The following MAGI3 variants were observed in gnomAD, a reference collection of about 807,000 sequenced individuals.
The protein encoded by MAGI3 is membrane associated guanylate kinase, WW and PDZ domain containing 3, also known as membrane-associated guanylate kinase, WW and PDZ domain-containing protein 3.
A neutral mutation model predicts 121.8 loss-of-function variants in MAGI3; 43 were observed. That is an observed-to-expected ratio of 0.35 (90% CI 0.28 to 0.46). MAGI3 has a LOEUF of 0.46. Among genes scored for constraint, MAGI3 ranks in the 20% least tolerant of loss-of-function variants. The pLI is 1.00. For synonymous variants in MAGI3, 553 were observed against 639.3 expected, an observed-to-expected ratio of 0.86 and a Z score of 2.04; for missense variants, 1,547 against 1,797.3, an observed-to-expected ratio of 0.86 and a Z score of 2.52.
chr1:113,468,374 G>A (rs1655390044), intron 1 of MAGI3, among the ~76,000 whole-genome samples: 1 of 151,896 alleles, frequency 6.6e-6, no homozygotes, highest in Non-Finnish European at 1.5e-5. Flanking sequence ...CAGGTTTTTT[G>A]CATTGTGGTC....
chr1:113,601,200 T>C (rs1217219), intron 6 of MAGI3, among the ~76,000 whole-genome samples: 95,567 of 150,986 alleles, frequency 0.63, 31,364 homozygotes, highest in African/African-American at 0.76. Flanking sequence ...CAATGAGCAA[T>C]AAAAGCCAAA....
At chr1:113,450,456 G>A (rs1363012980) in intron 1 of MAGI3, 5 of 1,109,882 alleles carry the variant, frequency 4.5e-6, no homozygotes, top group Non-Finnish European at 4.1e-6. Flanking sequence ...AGTAGAGGGG[G>A]CTATGGTGGT....
At chr1:113,554,312 G>A (rs546703780) in intron 2 of MAGI3, among the ~76,000 whole-genome samples, 1 of 151,994 alleles carries the variant, frequency 6.6e-6, no homozygotes, top group East Asian at 1.9e-4. Flanking sequence ...TATGAATGAA[G>A]TGGAACCTTA....
intron 6 of MAGI3, among the ~76,000 whole-genome samples, chr1:113,596,863 A>G (rs1649041563): frequency 1.3e-5 from 2 of 152,092 alleles, no homozygotes. Flanking sequence ...ACCCTTGTAC[A>G]TTGCTGTGCC....
At chr1:113,607,879 T>C (rs1333684948) in intron 6 of MAGI3, among the ~76,000 whole-genome samples, 2 of 152,202 alleles carry the variant, frequency 1.3e-5, no homozygotes, top group Non-Finnish European at 2.9e-5. Context: ...TATTTATTTT[T>C]CAAAGTATTC....
At chr1:113,618,217 G>T (rs1429080755) in intron 7 of MAGI3, among the ~76,000 whole-genome samples, 1 of 151,840 alleles carries the variant, frequency 6.6e-6, no homozygotes, top group Non-Finnish European at 1.5e-5. Context: ...CACACCTGTG[G>T]TCACAGCTAC....
chr1:113,594,755 T>C (rs1648894053), intron 6 of MAGI3, among the ~76,000 whole-genome samples, 195 bp downstream of exon 6: 1 of 152,214 alleles, frequency 6.6e-6, no homozygotes, highest in Admixed American at 6.5e-5. Context: ...ATTTCATTTC[T>C]TTTTCAGGAT....
Position 113,667,139 on chromosome 1 carries a change from C to G in MAGI3, c.2816-4595C>G, listed in dbSNP as rs557067684. Among the ~76,000 whole-genome samples the G allele has an allele frequency of 2.0e-5, 3 of 152,278 alleles. No individual in the cohort carries two copies. The South Asian group carries it at 6.2e-4, about 32-fold the overall frequency. ...GAGTGTAAATGAGCACATGAATTTA[C>G]CAGCTGCATTAGCCCCTAGCAAGAG... On this transcript the variant is annotated intron_variant, in intron 16 of 20. Coordinates refer to ENST00000307546, the MANE Select transcript of MAGI3 (RefSeq NM_001142782.2).
intron 20 of MAGI3, chr1:113,682,160 A>ATTGAT: frequency 7.1e-7 from 1 of 1,404,024 alleles, no homozygotes; most frequent in Non-Finnish European, 9.4e-7. Context: ...AACTGCACTG[A>ATTGAT]TTTTTTTTTT....
intron 3 of MAGI3, 22 bp downstream of exon 3, chr1:113,580,683 C>T (rs765702532): frequency 1.9e-6 from 3 of 1,574,678 alleles, no homozygotes; most frequent in South Asian, 1.2e-5. Flanking sequence ...AATAACATCA[C>T]TACCACCCAA....
chr1:113,599,538 G>C (rs1400710077), intron 6 of MAGI3, among the ~76,000 whole-genome samples: 1 of 152,140 alleles, frequency 6.6e-6, no homozygotes, highest in Non-Finnish European at 1.5e-5. Flanking sequence ...TTGAATCTCT[G>C]AGTAGACCAA....
chr1:113,432,668 T>C (rs1357227259), intron 1 of MAGI3, among the ~76,000 whole-genome samples: 1 of 152,012 alleles, frequency 6.6e-6, no homozygotes, highest in Non-Finnish European at 1.5e-5. Flanking sequence ...ATTTTATGTT[T>C]ATCATGAAGG....
intron 6 of MAGI3, among the ~76,000 whole-genome samples, chr1:113,602,921 G>T (rs545906341): frequency 2.0e-5 from 3 of 151,348 alleles, no homozygotes; most frequent in Non-Finnish European, 4.4e-5. Flanking sequence ...GAACGAGATT[G>T]TCTCAAAAAA....
chr1:113,582,768 T>C (rs1204935067), intron 3 of MAGI3, among the ~76,000 whole-genome samples: 1 of 151,932 alleles, frequency 6.6e-6, no homozygotes, highest in East Asian at 1.9e-4. Context: ...GATGTGGCCA[T>C]ATATGTATAT....
rs774336547 is a variant in MAGI3, at chr1:113,683,508, C to A, written c.3940C>A (p.Arg1314=). The change falls in exon 21 of 21, where the codon CGA becomes AGA. Residue 1314 remains arginine, a synonymous_variant. Coordinates refer to ENST00000307546, the MANE Select transcript of MAGI3 (RefSeq NM_001142782.2). The part of the protein sequence containing the change: ...AEAKLLEGKS[R]RIAGYTGSNA... ...GGCCAAATTATTAGAGGGTAAGAGTCGAAGAATAGCAGGCTATACGGGCAG... is the reference window on the plus strand; with the variant it reads ...GGCCAAATTATTAGAGGGTAAGAGTAGAAGAATAGCAGGCTATACGGGCAG... The A allele has an allele frequency of 3.1e-6, 5 of 1,613,654 alleles. No homozygotes were observed. The highest frequency in any genetic ancestry group is 4.2e-6 in the Non-Finnish European group (5 of 1,179,862).
chr1:113,427,368 G>T (rs1653063150), intron 1 of MAGI3, among the ~76,000 whole-genome samples: 1 of 152,228 alleles, frequency 6.6e-6, no homozygotes, highest in Non-Finnish European at 1.5e-5. Flanking sequence ...GAGAATCTCA[G>T]ACCTTGTGGG....
At chr1:113,524,676 C>T (rs1658372941) in intron 1 of MAGI3, among the ~76,000 whole-genome samples, 1 of 152,158 alleles carries the variant, frequency 6.6e-6, no homozygotes, top group South Asian at 2.1e-4. Context: ...TTTGATTTTG[C>T]AGGCTCATAG....
At chr1:113,556,913 T>G (rs1030044389) in intron 2 of MAGI3, among the ~76,000 whole-genome samples, 2 of 152,122 alleles carry the variant, frequency 1.3e-5, no homozygotes, top group African/African-American at 4.8e-5. Flanking sequence ...CTCAACAACT[T>G]AGATGAAATG....
intron 16 of MAGI3, among the ~76,000 whole-genome samples, chr1:113,667,010 A>G (rs1423490899): frequency 6.6e-6 from 1 of 152,216 alleles, no homozygotes; most frequent in African/African-American, 2.4e-5. Flanking sequence ...TATTCAGTAA[A>G]TCATGCTGTA....
Sources: gnomAD v4.1 joint callset for allele counts (sites outside exome capture counted in the v4.1 genomes callset) on GRCh38, gnomAD v4.1.1 for gene constraint, MANE v1.5 for transcripts, NCBI Gene and HGNC (gene_info 2026-07-23, HGNC 2026-07-21) for gene names.